NDST4: variants seen among roughly 807,000 people sequenced by gnomAD.
NDST4 encodes N-heparan sulfate sulfotransferase 4.
A neutral mutation model predicts 100.8 loss-of-function variants in NDST4; 63 were observed. The observed-to-expected ratio is 0.62, with a 90% CI of 0.51 to 0.77. The LOEUF is 0.77. Ranked by LOEUF, NDST4 falls within the 30% of genes least tolerant of loss-of-function variation. The probability of loss-of-function intolerance (pLI) is 0.00; values close to 1 mark genes in which losing one functional copy is unlikely to be tolerated. For missense variants in NDST4, 943 were observed against 1,018.4 expected, an observed-to-expected ratio of 0.93 and a Z score of 1.01; for synonymous variants, 377 against 361.8, an observed-to-expected ratio of 1.04 and a Z score of -0.48.
intron 7 of NDST4, among the ~76,000 whole-genome samples, chr4:114,855,180 A>G (rs1268096902): frequency 6.6e-6 from 1 of 152,026 alleles, no homozygotes; most frequent in Non-Finnish European, 1.5e-5. Context: ...TATTCTGGTT[A>G]AAAATTCATT....
chr4:115,096,957 C>CTTA (rs1269944066), intron 1 of NDST4, among the ~76,000 whole-genome samples: 1 of 152,048 alleles, frequency 6.6e-6, no homozygotes, highest in African/African-American at 2.4e-5. Flanking sequence ...CTTACTTTAC[C>CTTA]TATAAGCGGC....
intron 2 of NDST4, among the ~76,000 whole-genome samples, chr4:114,996,979 T>A (rs1378004930): frequency 6.6e-6 from 1 of 152,102 alleles, no homozygotes; most frequent in Non-Finnish European, 1.5e-5. Context: ...ATTAAATAGG[T>A]ACTTCTGGTA....
intron 7 of NDST4, among the ~76,000 whole-genome samples, chr4:114,863,992 T>C (rs937818553): frequency 6.6e-6 from 1 of 152,240 alleles, no homozygotes; most frequent in African/African-American, 2.4e-5. Context: ...ACCATTTACC[T>C]TATTATAATT....
chr4:115,024,913 C>A (rs758975470), intron 2 of NDST4, among the ~76,000 whole-genome samples: 7 of 152,158 alleles, frequency 4.6e-5, no homozygotes, highest in African/African-American at 9.6e-5. Flanking sequence ...ATGCTGGCAT[C>A]ATCGGTGTGA....
intron 2 of NDST4, among the ~76,000 whole-genome samples, chr4:115,037,671 T>A (rs1207372720): frequency 1.3e-5 from 2 of 152,152 alleles, no homozygotes; most frequent in African/African-American, 2.4e-5. Flanking sequence ...GCAATTTTTT[T>A]AAATTAATGA....
At chr4:114,967,074 C>T (rs542400462) in intron 4 of NDST4, among the ~76,000 whole-genome samples, 2 of 152,172 alleles carry the variant, frequency 1.3e-5, no homozygotes, top group Admixed American at 1.3e-4. Flanking sequence ...CTGTTGATGG[C>T]TCTAAAGTGT....
At chr4:114,839,602 T>C in intron 10 of NDST4, 54 bp from the exon 11 acceptor site, 1 of 1,550,418 alleles carries the variant, frequency 6.4e-7, no homozygotes, top group Non-Finnish European at 8.9e-7. Flanking sequence ...CCTGTGTAGA[T>C]ATGCATATGT....
intron 6 of NDST4, among the ~76,000 whole-genome samples, chr4:114,924,584 T>C (rs1481079279): frequency 6.6e-6 from 1 of 152,048 alleles, no homozygotes; most frequent in East Asian, 1.9e-4. Context: ...GCCCCAGAGC[T>C]CCCAATAACA....
chr4:114,909,669 C>CAAAAAAAAAAAAAAA (rs773267929), intron 6 of NDST4, among the ~76,000 whole-genome samples: 45 of 61,550 alleles, frequency 7.3e-4, no homozygotes, highest in Non-Finnish European at 1.0e-3. Flanking sequence ...GACTCCGTCT[C>CAAAAAAAAAAAAAAA]AAAAAAAAAA....
chr4:115,011,570 G>A (rs894437757), intron 2 of NDST4, among the ~76,000 whole-genome samples: 2 of 151,464 alleles, frequency 1.3e-5, no homozygotes, highest in Admixed American at 6.6e-5. Flanking sequence ...TAGACATCTT[G>A]TTTTTTAAGT....
At chr4:114,863,148 T>C (rs1723953117) in intron 7 of NDST4, among the ~76,000 whole-genome samples, 1 of 152,222 alleles carries the variant, frequency 6.6e-6, no homozygotes, top group Non-Finnish European at 1.5e-5. Context: ...AAAATCTGAA[T>C]ACCAGCAAAC....
At chr4:114,858,474 C>A (rs2126191520) in intron 7 of NDST4, among the ~76,000 whole-genome samples, 1 of 152,268 alleles carries the variant, frequency 6.6e-6, no homozygotes, top group Non-Finnish European at 1.5e-5. Flanking sequence ...TAACATACCC[C>A]AGTTTCTACA....
intron 6 of NDST4, among the ~76,000 whole-genome samples, chr4:114,929,041 TGTCCGTCCGTCCGTCCGTCCGTCCGTCC>T (rs1227310987): frequency 1.6e-5 from 2 of 121,986 alleles, no homozygotes; most frequent in South Asian, 3.3e-4. Flanking sequence ...TCTGTCTGTC[TGTCCGTCCGTCCGTCCGTCCGTCCGTCC>T]GTCCGTCCAT....
chr4:114,950,577 C>T (rs1334009782), intron 4 of NDST4, among the ~76,000 whole-genome samples: 1 of 152,036 alleles, frequency 6.6e-6, no homozygotes, highest in Middle Eastern at 3.2e-3. Context: ...ACCAACCACA[C>T]ACTAACAGAC....
In NDST4 at chr4:115,038,063, G is replaced by T. The variant is rs144606478; in HGVS notation, c.978+37996C>A. Among the ~76,000 whole-genome samples, 641 of 152,232 alleles carry T rather than the reference G, an allele frequency of 4.2e-3. 1 individual carries two copies. The highest frequency in any genetic ancestry group is 6.5e-3 in the Non-Finnish European group (441 of 67,998). On this transcript the variant is annotated intron_variant, in intron 2 of 13. Coordinates refer to ENST00000264363, the MANE Select transcript of NDST4 (RefSeq NM_022569.3). ...ATGGAGAATACACTGTGCATTTTGT[G>T]AGTTTAGAATCAAGCACAGTGCTGA...
At chr4:114,921,366 T>C (rs1725281935) in intron 6 of NDST4, among the ~76,000 whole-genome samples, 1 of 152,078 alleles carries the variant, frequency 6.6e-6, no homozygotes, top group South Asian at 2.1e-4. Flanking sequence ...AAGCAAAACA[T>C]GTAATGAACT....
chr4:114,877,063 A>AACAC (rs113975512), intron 6 of NDST4, among the ~76,000 whole-genome samples: 13,988 of 145,764 alleles, frequency 0.096, 865 homozygotes, highest in South Asian at 0.23. Flanking sequence ...AAGTGTTATT[A>AACAC]ACACACACAC....
rs941964059 is a variant in NDST4, at chr4:115,030,404, G to T, written c.978+45655C>A. 3.9e-5 allele frequency among the ~76,000 whole-genome samples: 6 copies of T among 152,126 alleles called. No individual in the cohort carries two copies. In the South Asian group the frequency reaches 1.2e-3, roughly 32 times the overall value. On this transcript the variant is annotated intron_variant, in intron 2 of 13. Coordinates refer to ENST00000264363, the MANE Select transcript of NDST4 (RefSeq NM_022569.3). ...AGACTATTGTCTTACTCAGAAGAAA[G>T]AAATAATAAGAGAAACTGCCAGTTT...
chr4:114,946,888 G>T (rs753417105), intron 4 of NDST4, among the ~76,000 whole-genome samples: 1 of 151,814 alleles, frequency 6.6e-6, no homozygotes, highest in Non-Finnish European at 1.5e-5. Flanking sequence ...AATTAAAATC[G>T]TGGCTACTAT....
Sources: gnomAD v4.1 joint callset for allele counts (sites outside exome capture counted in the v4.1 genomes callset) on GRCh38, gnomAD v4.1.1 for gene constraint, MANE v1.5 for transcripts, NCBI Gene and HGNC (gene_info 2026-07-23, HGNC 2026-07-21) for gene names.